CCDC33: variants seen among roughly 807,000 people sequenced by gnomAD.
The protein encoded by CCDC33 is coiled-coil domain containing 33, also known as coiled-coil domain-containing protein 33.
CCDC33 carries 94 observed loss-of-function variants against 91.9 expected under a neutral mutation model. That is an observed-to-expected ratio of 1.02 (90% confidence interval 0.87 to 1.21). CCDC33 has a LOEUF of 1.21. Among genes scored for constraint, CCDC33 ranks in the 50% most tolerant of loss-of-function variants. The pLI is 0.00. For synonymous variants in CCDC33, 396 were observed against 374.5 expected (o/e 1.06, Z -0.66); for missense variants, 940 against 935.5 (o/e 1.00, Z -0.06).
intron 2 of CCDC33, among the ~76,000 whole-genome samples, chr15:74,254,059 G>A (rs937038795): frequency 6.6e-6 from 1 of 151,900 alleles, no homozygotes; most frequent in African/African-American, 2.4e-5. Flanking sequence ...TTGAGATGGA[G>A]TCTCACTCTG....
chr15:74,232,490 A>T (rs888689873), upstream of CCDC33, among the ~76,000 whole-genome samples: 1 of 152,132 alleles, frequency 6.6e-6, no homozygotes. Flanking sequence ...GAGTCCAGGA[A>T]AGTGTGCCTC....
At chr15:74,209,059 C>CTG (rs2074327000) in intron 1 of CCDC33, 1 of 1,209,492 alleles carries the variant, frequency 8.3e-7, no homozygotes, top group Non-Finnish European at 1.0e-6. Context: ...CTCCCCCCTT[C>CTG]TCCAGTCTGG....
intron 1 of CCDC33, chr15:74,208,124 T>C: frequency 1.9e-6 from 2 of 1,041,570 alleles, no homozygotes; most frequent in Non-Finnish European, 2.4e-6. Flanking sequence ...TAGCCGGCTG[T>C]GCCAGGGGAG....
intron 2 of CCDC33, among the ~76,000 whole-genome samples, chr15:74,251,358 C>T (rs893135948): frequency 5.3e-5 from 8 of 152,246 alleles, no homozygotes; most frequent in African/African-American, 1.9e-4. Context: ...AGAGACCTGC[C>T]AGTCAGAGCA....
intron 1 of CCDC33, among the ~76,000 whole-genome samples, chr15:74,242,643 C>T (rs150256358): frequency 6.6e-6 from 1 of 152,224 alleles, no homozygotes; most frequent in East Asian, 1.9e-4. Context: ...GGCAAGACCT[C>T]CTACCACGGG....
chr15:74,332,469 G>A (rs143940433), intron 15 of CCDC33, among the ~76,000 whole-genome samples: 129 of 152,302 alleles, frequency 8.5e-4, no homozygotes, highest in African/African-American at 3.0e-3. Context: ...GAAGACAAAT[G>A]AGGAGTTAGA....
chr15:74,230,806 G>C (rs1301534112), intron 2 of CCDC33, among the ~76,000 whole-genome samples: 1 of 152,170 alleles, frequency 6.6e-6, no homozygotes, highest in East Asian at 1.9e-4. Flanking sequence ...AGAGCCTGCT[G>C]GTAGACCTGC....
chr15:74,237,338 G>A (rs79281460), intron 1 of CCDC33, among the ~76,000 whole-genome samples: 1 of 152,360 alleles, frequency 6.6e-6, no homozygotes, highest in South Asian at 2.1e-4. Context: ...GAATCTCAGT[G>A]TGATGAGATG....
upstream of CCDC33, among the ~76,000 whole-genome samples, chr15:74,231,451 A>G (rs544971753): frequency 2.6e-4 from 39 of 152,190 alleles, no homozygotes; most frequent in Non-Finnish European, 5.1e-4. Flanking sequence ...TGCAGGCTGC[A>G]CTGCCGCAGA....
At position 74,295,890 on chromosome 15, in the gene CCDC33, C is replaced by T. The variant is rs1054054658; in HGVS notation, c.1232C>T (p.Thr411Met). ...GTGAGCTCCACAATGGACTTGAGCA[C>T]GTCCACTCCACGAGAAGCAGAGGAG... Reference protein sequence around the residue: ...DTVSSTMDLSTSTPREAEEEP... With the variant: ...DTVSSTMDLSMSTPREAEEEP... The change falls in exon 11 of 19, where the codon ACG becomes ATG. Residue 411 changes from threonine (T) to methionine (M), a missense_variant. Transcript: ENST00000398814. The T allele has an allele frequency of 1.2e-5, 19 of 1,613,980 alleles. No individual in the cohort carries two copies. The highest frequency in any genetic ancestry group is 5.0e-5 in the Admixed American group (3 of 59,996).
At chr15:74,279,536 A>AT (rs1301879572) in intron 7 of CCDC33, among the ~76,000 whole-genome samples, 2 of 151,804 alleles carry the variant, frequency 1.3e-5, no homozygotes, top group Non-Finnish European at 2.9e-5. Context: ...TTATTTATTT[A>AT]TTTATTTTAT....
At chr15:74,315,672 A>G (rs1156737752) in intron 11 of CCDC33, among the ~76,000 whole-genome samples, 2 of 152,228 alleles carry the variant, frequency 1.3e-5, no homozygotes, top group African/African-American at 4.8e-5. Flanking sequence ...GCTTTGCAGA[A>G]TGGATCTGCA....
At chr15:74,216,157 C>G (rs1484794305), upstream of CCDC33, among the ~76,000 whole-genome samples, 1 of 152,094 alleles carries the variant, frequency 6.6e-6, no homozygotes, top group Non-Finnish European at 1.5e-5. Flanking sequence ...GCTCCAAGAC[C>G]TCAGACCTGG....
At chr15:74,258,793 G>A (rs1012723712) in intron 2 of CCDC33, among the ~76,000 whole-genome samples, 1 of 152,118 alleles carries the variant, frequency 6.6e-6, no homozygotes, top group Non-Finnish European at 1.5e-5. Flanking sequence ...CACAGCTGCA[G>A]CCCCCGGGAA....
At chr15:74,272,392 G>A (rs1384769059) in intron 6 of CCDC33, among the ~76,000 whole-genome samples, 1 of 152,166 alleles carries the variant, frequency 6.6e-6, no homozygotes, top group Admixed American at 6.5e-5. Flanking sequence ...GTCCTCAAGA[G>A]GAGATTCATA....
At chr15:74,301,916 C>G (rs947187086) in intron 11 of CCDC33, 1 of 115,560 alleles carries the variant, frequency 8.7e-6, no homozygotes, top group Non-Finnish European at 2.2e-5. Context: ...TCTGCCTCCT[C>G]TGTTTCCCTC....
intron 1 of CCDC33, among the ~76,000 whole-genome samples, chr15:74,241,766 G>A (rs2075356927): frequency 6.6e-6 from 1 of 152,238 alleles, no homozygotes; most frequent in African/African-American, 2.4e-5. Flanking sequence ...GCTGAGAAGG[G>A]TCAGAGTCCA....
intron 2 of CCDC33, among the ~76,000 whole-genome samples, chr15:74,261,265 G>A (rs113587786): frequency 0.021 from 3,204 of 152,334 alleles, 109 homozygotes; most frequent in African/African-American, 0.073. Flanking sequence ...GCTGTGATGA[G>A]TGGGAGCAAG....
upstream of CCDC33, among the ~76,000 whole-genome samples, chr15:74,214,903 G>A (rs141810842): frequency 5.4e-4 from 82 of 152,348 alleles, no homozygotes; most frequent in Non-Finnish European, 9.8e-4. Flanking sequence ...ATTCATTCAT[G>A]CATTCATTCA....
Sources: gnomAD v4.1 joint callset for allele counts (sites outside exome capture counted in the v4.1 genomes callset) on GRCh38, gnomAD v4.1.1 for gene constraint, MANE v1.5 for transcripts, NCBI Gene and HGNC (gene_info 2026-07-23, HGNC 2026-07-21) for gene names.